Variants in NBPF15 observed in about 807,000 individuals in gnomAD.
NBPF15 encodes NBPF family member NBPF15.
A neutral mutation model predicts 62.2 loss-of-function variants in NBPF15; 74 were observed. The observed-to-expected ratio is 1.19, with a 90% CI of 0.99 to 1.44. The LOEUF (loss-of-function observed/expected upper bound fraction) is 1.44, where lower values mean the gene tolerates loss of function less well. Ranked by LOEUF, NBPF15 falls within the 40% of genes most tolerant of loss-of-function variation. The pLI is 0.00. For missense variants in NBPF15, 790 were observed against 550.0 expected, an observed-to-expected ratio of 1.44 and a Z score of -4.36; for synonymous variants, 244 against 209.7, an observed-to-expected ratio of 1.16 and a Z score of -1.41.
chr1:144,427,752 A>T (rs1670826832), intron 16 of NBPF15, 66 bp downstream of exon 16: 1 of 603,780 alleles, frequency 1.7e-6, no homozygotes, highest in Non-Finnish European at 2.9e-6. Flanking sequence ...GGCCACTTGC[A>T]GTAGGAATAT....
At position 144,455,465 on chromosome 1, in the gene NBPF15, AAC is replaced by A. The variant is rs1693890548; in HGVS notation, c.-432+1070_-432+1071del. Among the ~76,000 whole-genome samples, 2 of 151,950 alleles carry A rather than the reference AAC, an allele frequency of 1.3e-5. 1 individual carries two copies. The highest frequency in any genetic ancestry group is 3.9e-4 in the East Asian group (2 of 5,176). ...GTACAACCCCTTCTTCCTCCTCTGAAACACATTATTCCTCTGGCCCACTGTTG... is the reference window on the plus strand; with the variant it reads ...GTACAACCCCTTCTTCCTCCTCTGAAACATTATTCCTCTGGCCCACTGTTG... On this transcript the variant is annotated intron_variant, in intron 4 of 21. Transcript: ENST00000581897.
At chr1:144,436,618 C>T (rs1402862209) in intron 10 of NBPF15, among the ~76,000 whole-genome samples, 32 of 152,164 alleles carry the variant, frequency 2.1e-4, no homozygotes, top group African/African-American at 7.0e-4. Context: ...CTGCTCCCAT[C>T]GCAGCCTCCT....
intron 6 of NBPF15, among the ~76,000 whole-genome samples, chr1:144,444,404 T>A (rs1344815845): frequency 6.6e-6 from 1 of 151,806 alleles, no homozygotes; most frequent in African/African-American, 2.4e-5. Context: ...AGGAGCCATT[T>A]AGTATTAAAT....
intron 21 of NBPF15, among the ~76,000 whole-genome samples, chr1:144,423,597 C>A (rs1553538706): frequency 1.3e-5 from 2 of 151,900 alleles, no homozygotes; most frequent in African/African-American, 4.8e-5. Flanking sequence ...AGAGTGAGCT[C>A]AATAGTTTTC....
intron 3 of NBPF15, 132 bp from the exon 4 acceptor site, chr1:144,456,937 G>C (rs1648306339): frequency 6.6e-6 from 1 of 152,458 alleles, no homozygotes; most frequent in Non-Finnish European, 1.4e-5. Flanking sequence ...TGGGGAACTA[G>C]AATTGTTTGG....
chr1:144,452,618 A>T (rs2102706930), intron 4 of NBPF15, among the ~76,000 whole-genome samples: 1 of 150,990 alleles, frequency 6.6e-6, no homozygotes, highest in Non-Finnish European at 1.5e-5. Context: ...AACTTACATC[A>T]TTGAGTTGTA....
At chr1:144,442,268 A>AATATATATACACGTGTATATATTATATAT (rs1683973582) in intron 6 of NBPF15, among the ~76,000 whole-genome samples, 1 of 120,372 alleles carries the variant, frequency 8.3e-6, no homozygotes, top group African/African-American at 3.3e-5. Context: ...GGCCATTATT[A>AATATATATACACGTGTATATATTATATAT]ATATATATAC....
chr1:144,429,309 A>G (rs1334188517), intron 14 of NBPF15, among the ~76,000 whole-genome samples: 1 of 149,560 alleles, frequency 6.7e-6, no homozygotes, highest in Non-Finnish European at 1.5e-5. Context: ...AAAGAACCAC[A>G]CAGACATGCT....
At chr1:144,426,776 G>A (rs1670027562) in intron 17 of NBPF15, among the ~76,000 whole-genome samples, 1 of 151,454 alleles carries the variant, frequency 6.6e-6, no homozygotes, top group African/African-American at 2.4e-5. Context: ...GAAAAGAGTG[G>A]GCTCAATAAT....
At chr1:144,441,982 C>T (rs1177077557) in intron 6 of NBPF15, among the ~76,000 whole-genome samples, 6 of 147,850 alleles carry the variant, frequency 4.1e-5, no homozygotes, top group East Asian at 4.0e-4. Context: ...GGACACAGGG[C>T]GGGGAACATC....
intron 6 of NBPF15, among the ~76,000 whole-genome samples, chr1:144,441,967 C>T (rs1683203728): frequency 6.7e-6 from 1 of 148,500 alleles, no homozygotes; most frequent in South Asian, 2.1e-4. Context: ...ACAATGAGAA[C>T]ACTTGGACAC....
chr1:144,449,694 A>G (rs1177253310), intron 5 of NBPF15, among the ~76,000 whole-genome samples: 4 of 151,906 alleles, frequency 2.6e-5, no homozygotes, highest in Admixed American at 2.6e-4. Context: ...CCTAACTAAG[A>G]AACTCCTGCT....
chr1:144,428,175 A>G (rs1671256308), intron 15 of NBPF15, among the ~76,000 whole-genome samples, 185 bp from the exon 16 acceptor site: 1 of 142,252 alleles, frequency 7.0e-6, no homozygotes, highest in African/African-American at 2.9e-5. Context: ...GATGAAAGAG[A>G]AAGACACACA....
intron 6 of NBPF15, among the ~76,000 whole-genome samples, chr1:144,440,835 T>TC (rs1305225100): frequency 6.6e-6 from 1 of 151,398 alleles, no homozygotes; most frequent in African/African-American, 2.4e-5. Context: ...CTTTTTCTTT[T>TC]TTTTTTTGTA....
chr1:144,445,360 C>T lies in NBPF15; in HGVS notation c.-191+3415G>A, dbSNP rs868976275. Among the ~76,000 whole-genome samples the T allele has an allele frequency of 4.2e-3, 545 of 128,248 alleles. 2 individuals are homozygous for T. The highest frequency in any genetic ancestry group is 0.018 in the South Asian group (68 of 3,864). The allele number at this position is 128,248 out of a possible 152,430, so 84.1% of individuals were successfully genotyped here. ...ATATATATATATATATATATACACA[C>T]ACACACACACACACACACACACGTT... is the stretch of plus-strand genomic sequence containing the variant. On this transcript the variant is annotated intron_variant, in intron 6 of 21. Coordinates refer to ENST00000581897, the MANE Select transcript of NBPF15 (RefSeq NM_001385408.1).
intron 3 of NBPF15, among the ~76,000 whole-genome samples, chr1:144,458,042 A>G (rs868906543): frequency 5.3e-5 from 8 of 151,752 alleles, no homozygotes; most frequent in African/African-American, 7.3e-5. Flanking sequence ...ACCCATGATC[A>G]TACCACTCCA....
At chr1:144,455,115 G>GGAAC (rs1402615349) in intron 4 of NBPF15, among the ~76,000 whole-genome samples, 1 of 142,398 alleles carries the variant, frequency 7.0e-6, no homozygotes, top group Admixed American at 7.1e-5. Context: ...AAGGAAGGAA[G>GGAAC]GGAGGGAGGA....
At chr1:144,424,430 C>A (rs1178050749) in intron 20 of NBPF15, among the ~76,000 whole-genome samples, 17 of 152,078 alleles carry the variant, frequency 1.1e-4, no homozygotes, top group Middle Eastern at 3.4e-3. Context: ...TTTGTCACAT[C>A]TGCCCAGGTC....
intron 16 of NBPF15, among the ~76,000 whole-genome samples, chr1:144,427,567 G>A (rs1208332328): frequency 2.0e-5 from 3 of 147,304 alleles, no homozygotes; most frequent in African/African-American, 5.2e-5. Context: ...ATCTGCCCAG[G>A]TCCAACGTCA....
Sources: gnomAD v4.1 joint callset for allele counts (sites outside exome capture counted in the v4.1 genomes callset) on GRCh38, gnomAD v4.1.1 for gene constraint, MANE v1.5 for transcripts, NCBI Gene and HGNC (gene_info 2026-07-23, HGNC 2026-07-21) for gene names.